The following ZNF536 variants were observed in gnomAD, a reference collection of about 807,000 sequenced individuals.
The protein encoded by ZNF536 is zinc finger protein 536.
ZNF536 carries 13 observed loss-of-function variants against 84.5 expected under a neutral mutation model. That is an observed-to-expected ratio of 0.15 (90% confidence interval 0.10 to 0.24). The LOEUF is 0.24. ZNF536 is among the 10% of genes least tolerant of loss of function. The probability of loss-of-function intolerance (pLI) is 1.00; values close to 1 mark genes in which losing one functional copy is unlikely to be tolerated. For missense variants in ZNF536, 1,536 were observed against 1,747.5 expected (o/e 0.88, Z 2.16); for synonymous variants, 811 against 742.5 (o/e 1.09, Z -1.50).
At chr19:30,368,338 C>A (rs1475815888), upstream of ZNF536, among the ~76,000 whole-genome samples, 6 of 152,250 alleles carry the variant, frequency 3.9e-5, no homozygotes, top group Non-Finnish European at 8.8e-5. Flanking sequence ...ATGGTGCACA[C>A]TACGGCTGCA....
chr19:30,304,123 T>A (rs1310811314), intron 2 of ZNF536, among the ~76,000 whole-genome samples: 2 of 152,172 alleles, frequency 1.3e-5, no homozygotes, highest in Admixed American at 1.3e-4. Flanking sequence ...AGTGCACTTT[T>A]TAGCCTGCTG....
At chr19:30,572,193 G>A (rs1489676745) in intron 1 of ZNF536, among the ~76,000 whole-genome samples, 1 of 152,214 alleles carries the variant, frequency 6.6e-6, no homozygotes, top group Non-Finnish European at 1.5e-5. Context: ...AGTACTGAAA[G>A]AGCCCTTCTC....
intron 3 of ZNF536, among the ~76,000 whole-genome samples, chr19:30,359,912 A>G (rs1468408597): frequency 6.6e-6 from 1 of 152,178 alleles, no homozygotes; most frequent in Non-Finnish European, 1.5e-5. Context: ...GCAGAAGGAC[A>G]AGATGCTTTC....
At chr19:30,323,108 A>G (rs910886533) in intron 2 of ZNF536, among the ~76,000 whole-genome samples, 7 of 152,000 alleles carry the variant, frequency 4.6e-5, no homozygotes, top group African/African-American at 1.5e-4. Context: ...CTAATAAACC[A>G]GATCACTCCC....
Position 30,583,910 on chromosome 19 carries a change from T to C in ZNF536, c.169+34396T>C, listed in dbSNP as rs113037351. ...GGCCCTGGTGGTCAGAAAGGGTTAATAGATCTTGGGAGTATTAGCTGGACA... is the reference window on the plus strand; with the variant it reads ...GGCCCTGGTGGTCAGAAAGGGTTAACAGATCTTGGGAGTATTAGCTGGACA... On this transcript the variant is annotated intron_variant, in intron 1 of 1. Transcript: ENST00000592773. 3.4e-3 allele frequency among the ~76,000 whole-genome samples: 518 copies of C among 152,278 alleles called. 4 individuals are homozygous for C. The highest frequency in any genetic ancestry group is 0.012 in the African/African-American group (486 of 41,554).
intron 1 of ZNF536, among the ~76,000 whole-genome samples, chr19:30,264,521 G>C (rs1259635758): frequency 6.6e-6 from 1 of 152,070 alleles, no homozygotes; most frequent in Non-Finnish European, 1.5e-5. Context: ...GGAAAGCTTT[G>C]GATTTTGTAT....
intron 1 of ZNF536, among the ~76,000 whole-genome samples, chr19:30,622,360 T>A (rs2048511857): frequency 6.6e-6 from 1 of 152,226 alleles, no homozygotes; most frequent in African/African-American, 2.4e-5. Flanking sequence ...GAGTTCAATT[T>A]TCCTTTGGTT....
At chr19:30,621,636 T>C (rs937517636) in intron 1 of ZNF536, among the ~76,000 whole-genome samples, 15 of 152,224 alleles carry the variant, frequency 9.9e-5, no homozygotes, top group African/African-American at 3.4e-4. Flanking sequence ...AGTAACTATG[T>C]TTTTGTTTTA....
chr19:30,231,234 T>C (rs545441552), intron 1 of ZNF536, among the ~76,000 whole-genome samples: 31 of 152,366 alleles, frequency 2.0e-4, no homozygotes, highest in South Asian at 1.4e-3. Context: ...TTCCATGGCC[T>C]GTCTGCCAGG....
chr19:30,688,611 T>C (rs1381912988), intron 1 of ZNF536, among the ~76,000 whole-genome samples: 2 of 152,196 alleles, frequency 1.3e-5, no homozygotes, highest in African/African-American at 4.8e-5. Flanking sequence ...ATCAAATGTG[T>C]AGTAAAAAGC....
At chr19:30,568,723 T>TA (rs1225736267) in intron 1 of ZNF536, among the ~76,000 whole-genome samples, 11 of 152,206 alleles carry the variant, frequency 7.2e-5, no homozygotes, top group Non-Finnish European at 1.5e-4. Flanking sequence ...AGCCATGCTC[T>TA]GGGGCAGCCG....
rs539670872 is a variant in ZNF536, at chr19:30,466,906, T to G, written c.2170+21174T>G. Among the ~76,000 whole-genome samples the G allele has an allele frequency of 2.0e-5, 3 of 152,326 alleles. No homozygotes were observed. In the East Asian group the frequency reaches 5.8e-4, roughly 29 times the overall value. On this transcript the variant is annotated intron_variant, in intron 2 of 4. Coordinates refer to ENST00000355537, the MANE Select transcript of ZNF536 (RefSeq NM_014717.3). ...CCTAGGCTAGAGTGCAGTGGCACGA[T>G]CTCGGCTCACTGCAAACTCTGCCTT...
intron 2 of ZNF536, among the ~76,000 whole-genome samples, chr19:30,348,536 G>A (rs2047822173): frequency 6.6e-6 from 1 of 152,176 alleles, no homozygotes; most frequent in African/African-American, 2.4e-5. Flanking sequence ...GTCTTCCTGT[G>A]ACCCTGGGAC....
chr19:30,553,568 T>A (rs1647568535), intron 4 of ZNF536, among the ~76,000 whole-genome samples: 1 of 152,176 alleles, frequency 6.6e-6, no homozygotes, highest in South Asian at 2.1e-4. Context: ...GAATGACAGA[T>A]GAACGGGAAA....
chr19:30,373,812 T>C (rs1246277017), intron 1 of ZNF536, among the ~76,000 whole-genome samples: 1 of 144,210 alleles, frequency 6.9e-6, no homozygotes, highest in African/African-American at 2.6e-5. Context: ...CGAGGAAAGA[T>C]GTGCCAGAAT....
chr19:30,590,663 G>A (rs1465475058), intron 1 of ZNF536, among the ~76,000 whole-genome samples: 1 of 152,214 alleles, frequency 6.6e-6, no homozygotes, highest in Non-Finnish European at 1.5e-5. Context: ...GAGTGGAGAT[G>A]TGGGGCAGAA....
intron 1 of ZNF536, among the ~76,000 whole-genome samples, chr19:30,596,248 CAG>C (rs1440640195): frequency 1.3e-5 from 2 of 151,466 alleles, no homozygotes; most frequent in African/African-American, 4.9e-5. Flanking sequence ...AAAAAAAATA[CAG>C]AGAGAGAGGG....
chr19:30,446,188 G>A (rs1216932230), intron 2 of ZNF536, among the ~76,000 whole-genome samples: 3 of 133,346 alleles, frequency 2.2e-5, no homozygotes, highest in African/African-American at 8.6e-5. Flanking sequence ...GGGGGAGGCT[G>A]CAGTGAGCCA....
intron 1 of ZNF536, among the ~76,000 whole-genome samples, chr19:30,272,518 CAT>C (rs1234349851): frequency 2.6e-5 from 4 of 152,120 alleles, no homozygotes; most frequent in African/African-American, 9.7e-5. Context: ...TTGTATCCAT[CAT>C]TACAGTATCA....
Sources: gnomAD v4.1 joint callset for allele counts (sites outside exome capture counted in the v4.1 genomes callset) on GRCh38, gnomAD v4.1.1 for gene constraint, MANE v1.5 for transcripts, NCBI Gene and HGNC (gene_info 2026-07-23, HGNC 2026-07-21) for gene names.